CYP2A7: variants seen among roughly 807,000 people sequenced by gnomAD.
CYP2A7 encodes cytochrome P450 family 2 subfamily A member 7, also known as cytochrome P450 2A7.
In CYP2A7, 36 loss-of-function variants were observed where a neutral mutation model predicts 42.0. The observed-to-expected ratio is 0.86, with a 90% CI of 0.66 to 1.13. CYP2A7 has a LOEUF of 1.13. Among genes scored for constraint, CYP2A7 ranks in the 50% most tolerant of loss-of-function variants. CYP2A7 has a pLI of 0.00. For synonymous variants in CYP2A7, 260 were observed against 249.5 expected (o/e 1.04, Z -0.40); for missense variants, 661 against 634.1 (o/e 1.04, Z -0.46).
Position 40,877,395 on chromosome 19 carries a change from A to G in CYP2A7, c.974-18T>C, listed in dbSNP as rs1967560797. 6 of 1,610,270 alleles carry G rather than the reference A, an allele frequency of 3.7e-6. No individual in the cohort carries two copies. Among genetic ancestry groups the G allele is most frequent in the African/African-American group, 1.3e-5 (1 of 74,872 alleles). On this transcript the variant is annotated intron_variant, in intron 6 of 8. Transcript: ENST00000301146. ...GACCTTGGCTGGGGGAGGAGGGGGA[A>G]TGTGTTTAGGTATCTGGGAGTCTCA... is the stretch of plus-strand genomic sequence containing the variant.
intron 6 of CYP2A7, among the ~76,000 whole-genome samples, chr19:40,877,607 G>T (rs547563156): frequency 5.3e-5 from 8 of 151,618 alleles, no homozygotes; most frequent in South Asian, 4.2e-4. Flanking sequence ...GATGACCCGG[G>T]GGAAGGGGCA....
intron 8 of CYP2A7, 90 bp from the exon 9 acceptor site, chr19:40,875,964 G>T: frequency 6.7e-7 from 1 of 1,484,040 alleles, no homozygotes. Flanking sequence ...GCTCTCCCAG[G>T]GAGGAGGGGT....
chr19:40,877,092 T>A (rs549461128), intron 7 of CYP2A7, 98 bp downstream of exon 7: 1 of 1,367,630 alleles, frequency 7.3e-7, no homozygotes, highest in African/African-American at 1.5e-5. Context: ...ATTGAGGGAG[T>A]GGGACAGTGA....
In CYP2A7 at chr19:40,877,962, A is replaced by G. The variant is rs1466329789; in HGVS notation, c.863T>C (p.Leu288Ser). The G allele has an allele frequency of 1.2e-6, 2 of 1,612,174 alleles. No individual in the cohort carries two copies. Among genetic ancestry groups the G allele is most frequent in the Admixed American group, 1.7e-5 (1 of 59,722 alleles). ...CAACGTGCTCATCATCAGGTTCTTC[A>G]AGTAGAACTCCGTGTTGGGGTTCTT... ...EEKNPNTEFY[L>S]KNLMMSTLNL... The change falls in exon 6 of 9, where the codon TTG (leucine) becomes TCG (serine). Residue 288 changes from leucine to serine, a missense_variant. By Grantham distance (145) the Leu-to-Ser change is moderately radical (BLOSUM62 -2). Around this residue, in one of 3 missense-constraint regions of CYP2A7, gnomAD observed 614 missense variants for 552.4 expected, o/e 1.11. Transcript: ENST00000301146.
rs1967536783 is a variant in CYP2A7 at position 40,876,626 on chromosome 19, G to A, written c.1204C>T (p.Pro402Ser). Residue 402 changes from proline to serine, a missense_variant, in exon 8 of 9, where the codon CCC (proline) becomes TCC (serine). By Grantham distance (74) the Pro-to-Ser change is moderately conservative. Coordinates refer to ENST00000301146, the MANE Select transcript of CYP2A7 (RefSeq NM_000764.3). ...TCCTGAGGGTTGGAGAAGAAGCTGG[G>A]GTCTCTCAGCACGGAGCCCAGCATA... ...FPMLGSVLRD[P>S]SFFSNPQDFN... 7 of 1,613,010 alleles carry A rather than the reference G, an allele frequency of 4.3e-6. No homozygotes were observed. Among genetic ancestry groups the A allele is most frequent in the Non-Finnish European group, 5.9e-6 (7 of 1,179,256 alleles).
At chr19:40,880,037 T>A in intron 4 of CYP2A7, 47 bp downstream of exon 4, 1 of 1,603,038 alleles carries the variant, frequency 6.2e-7, no homozygotes. Flanking sequence ...GGGGAGCAGT[T>A]GGCAGGTTGT....
At position 40,881,630 on chromosome 19, in the gene CYP2A7, C is replaced by G; in HGVS notation, c.302G>C (p.Arg101Pro). The G allele has an allele frequency of 1.2e-6, 2 of 1,612,834 alleles. No homozygotes were observed. The highest frequency in any genetic ancestry group is 1.7e-6 in the Non-Finnish European group (2 of 1,179,730). ...CCAGTCGAAGGTGGCTTGCTCGCCT[C>G]GCCCGCTGAACTCCTCAGCCTGGTC... ...LVDQAEEFSGRGEQATFDWVF... is the reference protein window; with the variant it reads ...LVDQAEEFSGPGEQATFDWVF... The change falls in exon 2 of 9, where the codon CGA becomes CCA. Residue 101 changes from arginine (R) to proline (P), a missense_variant. Coordinates refer to ENST00000301146, the MANE Select transcript of CYP2A7 (RefSeq NM_000764.3).
At chr19:40,880,400 C>T in intron 3 of CYP2A7, 79 bp downstream of exon 3, 1 of 1,570,072 alleles carries the variant, frequency 6.4e-7, no homozygotes, top group Non-Finnish European at 8.7e-7. Context: ...TAGTCCCCAT[C>T]CGCAGGCAGA....
chr19:40,876,819 A>G, intron 7 of CYP2A7, 151 bp from the exon 8 acceptor site: 1 of 1,080,604 alleles, frequency 9.3e-7, no homozygotes, highest in East Asian at 2.5e-5. Context: ...GCTTTGGGGA[A>G]TAGAAGGTTC....
At position 40,880,497 on chromosome 19, in the gene CYP2A7, C is replaced by A. The variant is rs1967633021; in HGVS notation, c.475G>T (p.Ala159Ser). The A allele has an allele frequency of 1.2e-6, 2 of 1,612,622 alleles. No homozygotes were observed. The highest frequency in any genetic ancestry group is 4.5e-5 in the East Asian group (2 of 44,850). ...TACTCACCGTGCGTGCTCCGGATGG[C>A]CTCGATGAGGAAGCCCGACTCCTCC... ...IQEESGFLIE[A>S]IRSTHGANID... is the part of the protein sequence containing the mutation. Residue 159 changes from alanine to serine, a missense_variant, in exon 3 of 9, where the codon GCC (alanine) becomes TCC (serine). Ala to Ser is a moderately conservative substitution (Grantham distance 99). Around this residue, in one of 3 missense-constraint regions of CYP2A7, gnomAD observed 614 missense variants for 552.4 expected, o/e 1.11. Coordinates refer to ENST00000301146, the MANE Select transcript of CYP2A7 (RefSeq NM_000764.3).
In CYP2A7 at chr19:40,881,689, C is replaced by A. The variant is rs748603752; in HGVS notation, c.243G>T (p.Leu81=). 2 of 1,613,138 alleles carry A rather than the reference C, an allele frequency of 1.2e-6. No homozygotes were observed. Among genetic ancestry groups the A allele is most frequent in the Non-Finnish European group, 1.7e-6 (2 of 1,179,596 alleles). The change falls in exon 2 of 9, where the codon CTG becomes CTT. Residue 81 remains leucine (L), a synonymous_variant. Coordinates refer to ENST00000301146, the MANE Select transcript of CYP2A7 (RefSeq NM_000764.3). ...CCTCCCTGACGGCATCATGTCCACA[C>A]AGCACCACGACCCGCCGGGGCCCCA... The part of the protein sequence containing the change: ...IHLGPRRVVV[L]CGHDAVREAL...
At position 40,880,611 on chromosome 19, in the gene CYP2A7, C is replaced by G. The variant is rs376282662; in HGVS notation, c.361G>C (p.Gly121Arg). 15 of 1,546,582 alleles carry G rather than the reference C, an allele frequency of 9.7e-6. No individual in the cohort carries two copies. The highest frequency in any genetic ancestry group is 3.4e-5 in the South Asian group (3 of 86,964). Reference protein sequence around the residue: ...FKGYGVAFSNGERAKQLLRFA... With the variant: ...FKGYGVAFSNRERAKQLLRFA... ...CGCAGGAGCTGCTTGGCGCGCTCCC[C>G]GTTGCTGAACGCCACGCCTGGGGAG... Residue 121 changes from glycine (G) to arginine (R), a missense_variant, in exon 3 of 9, where the codon GGG becomes CGG. Coordinates refer to ENST00000301146, the MANE Select transcript of CYP2A7 (RefSeq NM_000764.3).
intron 1 of CYP2A7, 119 bp downstream of exon 1, chr19:40,881,912 G>A: frequency 1.0e-5 from 15 of 1,503,816 alleles, no homozygotes; most frequent in South Asian, 5.3e-5. Flanking sequence ...CCCGGATGCT[G>A]AAACTCCAAA....
rs147126748 is a variant in CYP2A7, at chr19:40,882,174, C to T, written c.37G>A (p.Ala13Thr). The change falls in exon 1 of 9, where the codon GCC (alanine) becomes ACC (threonine). Residue 13 changes from alanine to threonine, a missense_variant. Physicochemically the swap from Ala to Thr is moderately conservative, Grantham distance 58. Coordinates refer to ENST00000301146, the MANE Select transcript of CYP2A7 (RefSeq NM_000764.3). ...ASGLLLVALL[A>T]CLTVMVLMSV... ...ATCAAGACCATCACAGTCAGGCAGG[C>T]CAGCAAGGCCACCAGAAGCAGCCCT... is the stretch of plus-strand genomic sequence containing the variant. 239 of 1,613,958 alleles carry T rather than the reference C, an allele frequency of 1.5e-4. No homozygotes were observed. The African/African-American group carries it at 3.0e-3, about 20-fold the overall frequency.
rs556280071 is a variant in CYP2A7 at position 40,880,199 on chromosome 19, T to G, written c.539A>C (p.Asn180Thr). The G allele has an allele frequency of 8.1e-6, 13 of 1,612,924 alleles. No individual in the cohort carries two copies. Among genetic ancestry groups the G allele is most frequent in the Non-Finnish European group, 1.1e-5 (13 of 1,179,216 alleles). The change falls in exon 4 of 9, where the codon AAT becomes ACT. Residue 180 changes from asparagine to threonine, a missense_variant. Physicochemically the swap from Asn to Thr is moderately conservative, Grantham distance 65. This residue lies in a region of CYP2A7 where 614 missense variants were observed against 552.4 expected (regional missense o/e 1.11). Transcript: ENST00000301146. ...PTFFLSRTVS[N>T]VISSIVFGDR... ...CCCAAAGACAATGGAGCTGATGACA[T>G]TGGAGACTGTGCGGCTCAGGAAGAA...
chr19:40,882,218 G>A lies in CYP2A7; in HGVS notation c.-8C>T, dbSNP rs199629029. 8.1e-6 allele frequency: 13 copies of A among 1,612,858 alleles called. 1 individual carries two copies. The South Asian group carries it at 1.4e-4, about 18-fold the overall frequency. ...CAGCCCTGAGGCCAGCATGGTGGTA[G>A]TGAGATGACAGATGGTGATGGGTGG... On this transcript the variant is annotated 5_prime_UTR_variant, in exon 1 of 9. Coordinates refer to ENST00000301146, the MANE Select transcript of CYP2A7 (RefSeq NM_000764.3).
chr19:40,878,248 T>C lies in CYP2A7; in HGVS notation c.832-255A>G, dbSNP rs188541088. ...TCAACTTAGCTGTCAGTTTTTTTTT[T>C]CTTACACTGACTTGGTCTTGCTAAG... On this transcript the variant is annotated intron_variant, in intron 5 of 8. Coordinates refer to ENST00000301146, the MANE Select transcript of CYP2A7 (RefSeq NM_000764.3). Among the ~76,000 whole-genome samples, 637 of 151,866 alleles carry C rather than the reference T, an allele frequency of 4.2e-3. 9 individuals carry two copies. The highest frequency in any genetic ancestry group is 0.015 in the African/African-American group (616 of 41,506).
chr19:40,876,679 G>A lies in CYP2A7; in HGVS notation c.1162-11C>T. Reference sequence around the variant, plus strand: ...GAACACTTCGGTGCCCTGGTAGGGAGGAGGAAGTTGTGTGTGATGAGGAGG... The same window carrying A: ...GAACACTTCGGTGCCCTGGTAGGGAAGAGGAAGTTGTGTGTGATGAGGAGG... On this transcript the variant is annotated splice_polypyrimidine_tract_variant and intron_variant, in intron 7 of 8. Transcript: ENST00000301146. The A allele has an allele frequency of 6.2e-7, 1 of 1,608,750 alleles. No individual in the cohort carries two copies. The highest frequency in any genetic ancestry group is 8.5e-7 in the Non-Finnish European group (1 of 1,176,640).
chr19:40,878,073 C>T (rs555155044), intron 5 of CYP2A7, 80 bp from the exon 6 acceptor site: 143 of 1,491,882 alleles, frequency 9.6e-5, no homozygotes, highest in Admixed American at 2.0e-4. Context: ...TTGGATCTAC[C>T]TCTCTTTGGT....
Sources: gnomAD v4.1 joint callset for allele counts (sites outside exome capture counted in the v4.1 genomes callset) on GRCh38, gnomAD v4.1.1 for gene constraint, gnomAD v4.1.1 regional missense constraint, MANE v1.5 for transcripts, NCBI Gene and HGNC (gene_info 2026-07-23, HGNC 2026-07-21) for gene names.